PALD1: variants seen among roughly 807,000 people sequenced by gnomAD.
The protein encoded by PALD1 is phosphatase domain containing paladin 1.
Under a neutral mutation model 96.0 loss-of-function variants are expected in PALD1, and 57 were observed. That is an observed-to-expected ratio of 0.59 (90% CI 0.48 to 0.74). The LOEUF is 0.74. PALD1 is among the 30% of genes least tolerant of loss of function. The pLI, the probability that PALD1 is intolerant of heterozygous loss-of-function variation, is 0.00. For synonymous variants in PALD1, 464 were observed against 473.6 expected (o/e 0.98, Z 0.26); for missense variants, 1,063 against 1,143.7 (o/e 0.93, Z 1.02).
chr10:70,495,607 A>T (rs1445795333), intron 1 of PALD1, among the ~76,000 whole-genome samples: 1 of 152,194 alleles, frequency 6.6e-6, no homozygotes, highest in Non-Finnish European at 1.5e-5. Context: ...TTGTTGCACA[A>T]GGAAGCTTAA....
At chr10:70,563,318 C>T (rs537732893) in intron 18 of PALD1, among the ~76,000 whole-genome samples, 15 of 152,306 alleles carry the variant, frequency 9.8e-5, no homozygotes, top group African/African-American at 3.6e-4. Context: ...AGGCAGCAGC[C>T]TCACCTCTGT....
the PALD1 span, among the ~76,000 whole-genome samples, chr10:70,468,485 C>T: frequency 2.6e-5 from 4 of 152,052 alleles, no homozygotes; most frequent in Non-Finnish European, 5.9e-5. Flanking sequence ...CTCAGGTGAT[C>T]CACCCGGCTC....
At chr10:70,458,581 C>A in the PALD1 span, among the ~76,000 whole-genome samples, 1 of 152,208 alleles carries the variant, frequency 6.6e-6, no homozygotes, top group African/African-American at 2.4e-5. Flanking sequence ...GTGTTCCCGC[C>A]GGGCGGGTGG....
At chr10:70,561,336 G>A (rs1847734335) in intron 18 of PALD1, among the ~76,000 whole-genome samples, 1 of 152,236 alleles carries the variant, frequency 6.6e-6, no homozygotes, top group South Asian at 2.1e-4. Context: ...CTCTTGCCCG[G>A]TGGAACTGTG....
chr10:70,556,511 C>G (rs891269243), intron 18 of PALD1, among the ~76,000 whole-genome samples: 5 of 151,962 alleles, frequency 3.3e-5, no homozygotes, highest in Non-Finnish European at 7.4e-5. Flanking sequence ...GAGACAGGGT[C>G]TTTGCTGTGG....
chr10:70,466,381 A>C, the PALD1 span, among the ~76,000 whole-genome samples: 1 of 151,382 alleles, frequency 6.6e-6, no homozygotes, highest in African/African-American at 2.4e-5. Flanking sequence ...AGTAGTTGGG[A>C]TTATAGGTGC....
intron 2 of PALD1, among the ~76,000 whole-genome samples, chr10:70,526,981 C>T (rs1296737879): frequency 6.6e-6 from 1 of 152,158 alleles, no homozygotes; most frequent in Admixed American, 6.5e-5. Context: ...ACCCTGCCTG[C>T]CAGCTCTGGG....
intron 1 of PALD1, among the ~76,000 whole-genome samples, chr10:70,510,077 T>A (rs972180680): frequency 6.6e-6 from 1 of 151,972 alleles, no homozygotes; most frequent in African/African-American, 2.4e-5. Flanking sequence ...GCCTAAAATA[T>A]TGGGGATGTG....
At chr10:70,530,126 C>A (rs1485018100) in intron 4 of PALD1, 58 bp downstream of exon 4, 1 of 1,402,038 alleles carries the variant, frequency 7.1e-7, no homozygotes, top group African/African-American at 1.5e-5. Context: ...AGAGGGGCAC[C>A]TTGGAGGGGC....
intron 19 of PALD1, among the ~76,000 whole-genome samples, chr10:70,565,031 G>C (rs942564415): frequency 6.6e-6 from 1 of 152,250 alleles, no homozygotes; most frequent in Non-Finnish European, 1.5e-5. Context: ...ACATGGAGGT[G>C]ATGTGGATCC....
chr10:70,553,625 C>T (rs894286508), intron 18 of PALD1, among the ~76,000 whole-genome samples: 3 of 152,180 alleles, frequency 2.0e-5, no homozygotes, highest in Non-Finnish European at 2.9e-5. Context: ...ATGTTGGTTC[C>T]GGTTTTACAT....
chr10:70,473,548 T>A, the PALD1 span, among the ~76,000 whole-genome samples: 1 of 152,182 alleles, frequency 6.6e-6, no homozygotes, highest in African/African-American at 2.4e-5. Flanking sequence ...CACTAAAATG[T>A]CAGTTCCATG....
Position 70,548,260 on chromosome 10 carries a change from G to A in PALD1, c.2262+814G>A, listed in dbSNP as rs143139253. 8.1e-3 allele frequency among the ~76,000 whole-genome samples: 1,233 copies of A among 152,154 alleles called. 14 individuals carry two copies. Among genetic ancestry groups the A allele is most frequent in the African/African-American group, 0.028 (1,157 of 41,500 alleles). On this transcript the variant is annotated intron_variant, in intron 18 of 19. Coordinates refer to ENST00000263563, the MANE Select transcript of PALD1 (RefSeq NM_014431.3). ...GCGGAGGTTGCGGTGAGCCAAGATC[G>A]TGCCATTGCACTCCAGCTTGGGTGA...
At chr10:70,554,062 A>G (rs758882068) in intron 18 of PALD1, among the ~76,000 whole-genome samples, 3 of 152,160 alleles carry the variant, frequency 2.0e-5, no homozygotes, top group Non-Finnish European at 2.9e-5. Context: ...TCTGTTCTCC[A>G]GTGTCTGCAA....
chr10:70,464,061 C>T, the PALD1 span, among the ~76,000 whole-genome samples: 1 of 152,172 alleles, frequency 6.6e-6, no homozygotes, highest in African/African-American at 2.4e-5. Context: ...TATAGCACCC[C>T]AGAAAGTTCC....
In PALD1 at chr10:70,541,120, G is replaced by T; in HGVS notation, c.1927G>T (p.Glu643Ter). ...CGTCCAGGACTTTGACCAGCTGCTG[G>T]AGGCCCTGCGGGCCGCCCTCTCCAA... is the stretch of plus-strand genomic sequence containing the variant. ...PREEDFDQLL[E>*]ALRAALSKDP... The change falls in exon 16 of 20, where the codon GAG becomes TAG. Residue 643 changes from glutamate to a stop codon, truncating the protein, a stop_gained. Coordinates refer to ENST00000263563, the MANE Select transcript of PALD1 (RefSeq NM_014431.3). LOFTEE classifies it high-confidence loss of function. The T allele has an allele frequency of 6.2e-7, 1 of 1,607,368 alleles. No homozygotes were observed. The highest frequency in any genetic ancestry group is 8.5e-7 in the Non-Finnish European group (1 of 1,177,804).
At chr10:70,503,932 G>A (rs1009770248) in intron 1 of PALD1, among the ~76,000 whole-genome samples, 2 of 152,176 alleles carry the variant, frequency 1.3e-5, no homozygotes, top group East Asian at 3.9e-4. Context: ...CTTTGGGAGC[G>A]TGATGTAAGA....
At chr10:70,529,523 T>A (rs1564698665) in intron 3 of PALD1, among the ~76,000 whole-genome samples, 192 bp downstream of exon 3, 1 of 151,950 alleles carries the variant, frequency 6.6e-6, no homozygotes, top group Non-Finnish European at 1.5e-5. Context: ...CAGCTCTGCC[T>A]TCCTACAAAA....
upstream of PALD1, among the ~76,000 whole-genome samples, chr10:70,478,307 G>A (rs1051081603): frequency 1.3e-5 from 2 of 152,186 alleles, no homozygotes; most frequent in South Asian, 4.1e-4. Context: ...ACTGCACAGC[G>A]AGGCCGGCCC....
Sources: gnomAD v4.1 joint callset for allele counts (sites outside exome capture counted in the v4.1 genomes callset) on GRCh38, gnomAD v4.1.1 for gene constraint, MANE v1.5 for transcripts, NCBI Gene and HGNC (gene_info 2026-07-23, HGNC 2026-07-21) for gene names.